Variants in CNTN5 observed in about 807,000 individuals in gnomAD.
CNTN5 encodes the protein contactin 5, also known as contactin-5.
CNTN5 carries 77 observed loss-of-function variants against 129.1 expected under a neutral mutation model. The observed-to-expected ratio is 0.60, with a 90% CI of 0.50 to 0.72. The LOEUF (loss-of-function observed/expected upper bound fraction) is 0.72. Among genes scored for constraint, CNTN5 ranks in the 30% least tolerant of loss-of-function variants. The probability of loss-of-function intolerance (pLI) is 0.00; values close to 1 mark genes in which losing one functional copy is unlikely to be tolerated. For synonymous variants in CNTN5, 509 were observed against 465.6 expected (o/e 1.09, Z -1.20); for missense variants, 1,478 against 1,328.8 (o/e 1.11, Z -1.75).
chr11:99,892,872 A>G (rs755125448), intron 6 of CNTN5, among the ~76,000 whole-genome samples: 6 of 152,240 alleles, frequency 3.9e-5, no homozygotes, highest in African/African-American at 1.2e-4. Flanking sequence ...AAGAAAGTCA[A>G]TGGTAGCCTG....
intron 3 of CNTN5, among the ~76,000 whole-genome samples, chr11:99,622,722 A>C (rs1487761351): frequency 6.6e-6 from 1 of 152,086 alleles, no homozygotes; most frequent in Non-Finnish European, 1.5e-5. Context: ...GTGTTATAGC[A>C]TTGATTATTC....
intron 1 of CNTN5, among the ~76,000 whole-genome samples, chr11:99,311,848 T>C (rs1865129344): frequency 6.6e-6 from 1 of 152,200 alleles, no homozygotes; most frequent in Admixed American, 6.5e-5. Flanking sequence ...CAGAAGATGA[T>C]TAAGAAATAT....
intron 2 of CNTN5, among the ~76,000 whole-genome samples, chr11:99,527,630 T>C (rs1311489177): frequency 2.0e-5 from 3 of 152,154 alleles, no homozygotes; most frequent in African/African-American, 4.8e-5. Context: ...TCTATTTTCA[T>C]TGAAACATGA....
intron 3 of CNTN5, among the ~76,000 whole-genome samples, chr11:99,816,137 T>C (rs1389747168): frequency 6.6e-6 from 1 of 152,230 alleles, no homozygotes; most frequent in African/African-American, 2.4e-5. Flanking sequence ...TCCTTGTCTG[T>C]ATTGAAAGAC....
At chr11:99,177,838 G>T (rs1857853555) in intron 1 of CNTN5, among the ~76,000 whole-genome samples, 1 of 152,116 alleles carries the variant, frequency 6.6e-6, no homozygotes, top group Non-Finnish European at 1.5e-5. Flanking sequence ...AATGAATTCA[G>T]CAAAGTCATA....
In CNTN5 at chr11:99,598,285, T is replaced by TGTCTC. The variant is rs1565335398; in HGVS notation, c.55+42016_55+42017insGTCTC. The stretch of plus-strand genomic sequence containing the variant: ...TTTTCTTTTCTTTTCTTTTCTTTTC[T>TGTCTC]TTTCTTTTCTTTTCTTTTCTTTTCT... On this transcript the variant is annotated intron_variant, in intron 3 of 24. Transcript: ENST00000524871. Among the ~76,000 whole-genome samples the TGTCTC allele has an allele frequency of 7.2e-3, 47 of 6,520 alleles. 1 individual carries two copies. The highest frequency in any genetic ancestry group is 0.036 in the South Asian group (3 of 84). 4.3% of individuals were successfully genotyped at this position (6,520 alleles called of 152,430 possible).
At chr11:99,493,759 T>C (rs1378669934) in intron 2 of CNTN5, among the ~76,000 whole-genome samples, 1 of 152,144 alleles carries the variant, frequency 6.6e-6, no homozygotes, top group Non-Finnish European at 1.5e-5. Context: ...GAGCAAACGA[T>C]TGGTCCATGT....
chr11:99,371,181 A>G (rs1939799137), intron 2 of CNTN5, among the ~76,000 whole-genome samples: 7 of 152,198 alleles, frequency 4.6e-5, no homozygotes, highest in Admixed American at 4.6e-4. Context: ...GAAAGAGGTA[A>G]GAAAAGTTAA....
intron 1 of CNTN5, among the ~76,000 whole-genome samples, chr11:99,258,575 T>A (rs765670570): frequency 2.0e-5 from 3 of 152,070 alleles, no homozygotes; most frequent in Admixed American, 1.3e-4. Flanking sequence ...AAATAAAAAA[T>A]CATTCCCTCT....
intron 1 of CNTN5, among the ~76,000 whole-genome samples, chr11:99,179,955 C>A (rs1025234304): frequency 2.6e-5 from 4 of 152,020 alleles, no homozygotes; most frequent in African/African-American, 9.7e-5. Context: ...TTACTGTATT[C>A]AAAATATTAT....
chr11:99,878,663 C>T (rs1948694733), intron 6 of CNTN5, among the ~76,000 whole-genome samples: 1 of 152,100 alleles, frequency 6.6e-6, no homozygotes, highest in Admixed American at 6.5e-5. Context: ...TGAGACCACC[C>T]TGGCCAACAT....
chr11:99,106,158 A>G (rs1866983685), intron 1 of CNTN5, among the ~76,000 whole-genome samples: 1 of 152,136 alleles, frequency 6.6e-6, no homozygotes, highest in Non-Finnish European at 1.5e-5. Context: ...GAAAACACGA[A>G]GGATTTGCCC....
intron 17 of CNTN5, among the ~76,000 whole-genome samples, chr11:100,267,364 A>G (rs964954939): frequency 1.2e-4 from 19 of 152,024 alleles, no homozygotes; most frequent in Admixed American, 2.0e-4. Flanking sequence ...CTCTTATGAC[A>G]TCATTTAACT....
rs575852179 is a variant in CNTN5 at position 99,740,208 on chromosome 11, A to G, written c.56-79336A>G. Among the ~76,000 whole-genome samples the G allele has an allele frequency of 1.6e-4, 24 of 152,254 alleles. 1 individual carries two copies. In the South Asian group the frequency reaches 4.8e-3, roughly 30 times the overall value. On this transcript the variant is annotated intron_variant, in intron 3 of 24. Coordinates refer to ENST00000524871, the MANE Select transcript of CNTN5 (RefSeq NM_014361.4). ...TTAACTAGGCATATTAATGTGGTCA[A>G]TAAGAACTGTAGCTTTTCCTTCTCT...
At chr11:99,089,634 T>C (rs1366430013) in intron 1 of CNTN5, among the ~76,000 whole-genome samples, 1 of 152,210 alleles carries the variant, frequency 6.6e-6, no homozygotes, top group African/African-American at 2.4e-5. Context: ...TTAAATAAGC[T>C]ACCAGTTAGC....
intron 3 of CNTN5, among the ~76,000 whole-genome samples, chr11:99,735,005 C>A (rs1943656828): frequency 7.2e-6 from 1 of 138,388 alleles, no homozygotes. Context: ...GAGACTCCGT[C>A]TCAAAACAAA....
intron 10 of CNTN5, among the ~76,000 whole-genome samples, chr11:100,061,880 T>C (rs141684779): frequency 5.1e-4 from 78 of 152,332 alleles, no homozygotes; most frequent in African/African-American, 1.7e-3. Context: ...ACCAGCTGAC[T>C]TGCAAAGACT....
intron 2 of CNTN5, among the ~76,000 whole-genome samples, chr11:99,533,412 AT>A (rs1947787041): frequency 6.6e-6 from 1 of 152,210 alleles, no homozygotes; most frequent in Non-Finnish European, 1.5e-5. Flanking sequence ...AGTTTAATCC[AT>A]TTGTATTTTG....
intron 3 of CNTN5, among the ~76,000 whole-genome samples, chr11:99,710,425 G>A (rs1954926956): frequency 6.6e-6 from 1 of 151,790 alleles, no homozygotes; most frequent in Admixed American, 6.6e-5. Flanking sequence ...TTAAGGGTGT[G>A]TGTCTGTTGT....
Sources: allele counts gnomAD v4.1 joint callset (sites outside exome capture counted in the v4.1 genomes callset), GRCh38; gene constraint gnomAD v4.1.1; transcripts MANE v1.5; gene names NCBI Gene and HGNC (gene_info 2026-07-23, HGNC 2026-07-21).